SEMA5A: variants seen among roughly 807,000 people sequenced by gnomAD.
The protein encoded by SEMA5A is semaphorin 5A.
SEMA5A carries 55 observed loss-of-function variants against 135.5 expected under a neutral mutation model. The observed-to-expected ratio is 0.41, with a 90% CI of 0.33 to 0.51. SEMA5A has a LOEUF of 0.51. Among genes scored for constraint, SEMA5A ranks in the 20% least tolerant of loss-of-function variants. The pLI, the probability that SEMA5A is intolerant of heterozygous loss-of-function variation, is 0.37. For missense variants in SEMA5A, 1,290 were observed against 1,419.9 expected (o/e 0.91, Z 1.47); for synonymous variants, 580 against 546.5 (o/e 1.06, Z -0.85).
chr5:9,246,263 T>C (rs946486185), intron 5 of SEMA5A, among the ~76,000 whole-genome samples: 11 of 152,148 alleles, frequency 7.2e-5, no homozygotes, highest in African/African-American at 1.9e-4. Flanking sequence ...GCTATTTTTA[T>C]ACATGAATTT....
At chr5:9,530,155 G>A (rs1427549295) in intron 1 of SEMA5A, among the ~76,000 whole-genome samples, 3 of 152,122 alleles carry the variant, frequency 2.0e-5, no homozygotes, top group South Asian at 2.1e-4. Context: ...TGTTAGATGC[G>A]ACCATTTCCA....
Position 9,303,699 on chromosome 5 carries a change from T to A in SEMA5A, c.270+14673A>T, listed in dbSNP as rs149231227. On this transcript the variant is annotated intron_variant, in intron 5 of 22. Transcript: ENST00000382496. ...TGCCAAATATATATGTACAGAAGCA[T>A]CAATTTTATCCCATCAATATGTACA... is the stretch of plus-strand genomic sequence containing the variant. Among the ~76,000 whole-genome samples, 35 of 152,264 alleles carry A rather than the reference T, an allele frequency of 2.3e-4. No individual in the cohort carries two copies. The East Asian group carries it at 6.8e-3, about 29-fold the overall frequency.
chr5:9,221,268 T>A (rs1387832691), intron 8 of SEMA5A, among the ~76,000 whole-genome samples: 2 of 152,012 alleles, frequency 1.3e-5, no homozygotes, highest in Non-Finnish European at 2.9e-5. Context: ...TGTTTTTGTC[T>A]TACTTAAGAG....
intron 8 of SEMA5A, among the ~76,000 whole-genome samples, chr5:9,205,792 C>T (rs897361757): frequency 3.9e-5 from 6 of 152,196 alleles, no homozygotes; most frequent in South Asian, 2.1e-4. Context: ...ACACATCATG[C>T]GGCCCTACAC....
At chr5:9,267,323 C>T (rs1400895359) in intron 5 of SEMA5A, among the ~76,000 whole-genome samples, 1 of 152,148 alleles carries the variant, frequency 6.6e-6, no homozygotes, top group Non-Finnish European at 1.5e-5. Context: ...CGCTATCAAG[C>T]TGTTGCCCGA....
intron 11 of SEMA5A, among the ~76,000 whole-genome samples, chr5:9,181,890 G>A (rs13356945): frequency 2.9e-4 from 44 of 151,440 alleles, no homozygotes; most frequent in African/African-American, 1.0e-3. Flanking sequence ...ACTCCCAGCC[G>A]CAGAGTCCCT....
At chr5:9,361,447 G>A (rs1754691857) in intron 3 of SEMA5A, among the ~76,000 whole-genome samples, 1 of 152,044 alleles carries the variant, frequency 6.6e-6, no homozygotes, top group South Asian at 2.1e-4. Context: ...CAGCATTACC[G>A]CCATTTTTTC....
At chr5:9,353,174 G>A (rs1286587924) in intron 3 of SEMA5A, among the ~76,000 whole-genome samples, 70 of 30,880 alleles carry the variant, frequency 2.3e-3, no homozygotes, top group African/African-American at 5.9e-3. Flanking sequence ...GGGAAAGGAA[G>A]GGAAAGGAAG....
At chr5:9,519,650 C>T (rs1736710069) in intron 1 of SEMA5A, among the ~76,000 whole-genome samples, 1 of 152,216 alleles carries the variant, frequency 6.6e-6, no homozygotes, top group South Asian at 2.1e-4. Flanking sequence ...CATCACCATG[C>T]ATGTGCTGAA....
chr5:9,281,567 A>G (rs1750542934), intron 5 of SEMA5A, among the ~76,000 whole-genome samples: 1 of 152,168 alleles, frequency 6.6e-6, no homozygotes, highest in African/African-American at 2.4e-5. Context: ...TGAAAAGCAA[A>G]TCCCATATCC....
chr5:9,473,383 T>TTAAA (rs375160174), intron 1 of SEMA5A, among the ~76,000 whole-genome samples: 28 of 79,702 alleles, frequency 3.5e-4, no homozygotes, highest in African/African-American at 1.2e-3. Flanking sequence ...CAATCAGTGG[T>TTAAA]AAAAAAAAAA....
intron 5 of SEMA5A, among the ~76,000 whole-genome samples, chr5:9,307,662 G>T (rs1045949873): frequency 3.3e-5 from 5 of 151,994 alleles, no homozygotes; most frequent in African/African-American, 1.2e-4. Context: ...TTAGCATTTT[G>T]GAAGGGACAT....
intron 11 of SEMA5A, among the ~76,000 whole-genome samples, chr5:9,184,803 T>C (rs1744719089): frequency 1.3e-5 from 2 of 152,212 alleles, no homozygotes; most frequent in East Asian, 1.9e-4. Flanking sequence ...TTGTGGCACA[T>C]GTCCTGCTCC....
chr5:9,351,470 T>A (rs1273625788), intron 3 of SEMA5A, among the ~76,000 whole-genome samples: 2 of 96,110 alleles, frequency 2.1e-5, no homozygotes, highest in African/African-American at 7.3e-5. Context: ...GCCCCCACCG[T>A]TTTTTTTTCA....
intron 8 of SEMA5A, among the ~76,000 whole-genome samples, chr5:9,224,380 A>G (rs576881432): frequency 7.2e-5 from 10 of 139,570 alleles, no homozygotes; most frequent in Admixed American, 4.6e-4. Flanking sequence ...AAGCTGTCAA[A>G]TTTTCTAGAC....
At chr5:9,144,857 A>C (rs1742248076) in intron 12 of SEMA5A, among the ~76,000 whole-genome samples, 1 of 152,164 alleles carries the variant, frequency 6.6e-6, no homozygotes. Flanking sequence ...TCAGGTAACA[A>C]TTGAATGAAA....
intron 5 of SEMA5A, among the ~76,000 whole-genome samples, chr5:9,273,888 C>T (rs1435057149): frequency 6.6e-6 from 1 of 152,078 alleles, no homozygotes; most frequent in Non-Finnish European, 1.5e-5. Context: ...CAAAAACATA[C>T]CAAATTGTAA....
chr5:9,512,084 T>A (rs1417537653), intron 1 of SEMA5A: 3 of 152,170 alleles, frequency 2.0e-5, no homozygotes, highest in Non-Finnish European at 2.9e-5. Context: ...CAGTCTTATG[T>A]TCCTGGCAAT....
At chr5:9,415,807 C>T (rs1441512882) in intron 2 of SEMA5A, among the ~76,000 whole-genome samples, 1 of 152,124 alleles carries the variant, frequency 6.6e-6, no homozygotes, top group Non-Finnish European at 1.5e-5. Flanking sequence ...AAAGAGTTTC[C>T]CAAATTCATA....
Sources: gnomAD v4.1 joint callset for allele counts (sites outside exome capture counted in the v4.1 genomes callset) on GRCh38, gnomAD v4.1.1 for gene constraint, MANE v1.5 for transcripts, NCBI Gene and HGNC (gene_info 2026-07-23, HGNC 2026-07-21) for gene names.